The following SCRN3 variants were observed in gnomAD, a reference collection of about 807,000 sequenced individuals.
SCRN3 encodes the protein secernin-3.
Under a neutral mutation model 43.1 loss-of-function variants are expected in SCRN3, and 39 were observed. The ratio of observed to expected loss-of-function variants is 0.91; its 90% CI spans 0.70 to 1.18. The LOEUF is 1.18. Ranked by LOEUF, SCRN3 falls within the 50% of genes most tolerant of loss-of-function variation. SCRN3 has a pLI of 0.00. For synonymous variants in SCRN3, 147 were observed against 163.1 expected (o/e 0.90, Z 0.75); for missense variants, 484 against 498.0 (o/e 0.97, Z 0.27).
At chr2:174,409,277 A>G (rs1407267190) in intron 5 of SCRN3, among the ~76,000 whole-genome samples, 2 of 137,416 alleles carry the variant, frequency 1.5e-5, no homozygotes, top group African/African-American at 2.5e-5. Context: ...TGCATTCTTC[A>G]CGTAGTTCTC....
chr2:174,425,703 G>T (rs1431746426), intron 7 of SCRN3, among the ~76,000 whole-genome samples: 2 of 151,814 alleles, frequency 1.3e-5, no homozygotes, highest in South Asian at 4.1e-4. Flanking sequence ...TTCTAAAGCT[G>T]TAAGTATTTT....
chr2:174,398,559 A>G (rs552573831), intron 2 of SCRN3, 117 bp downstream of exon 2: 13 of 791,488 alleles, frequency 1.6e-5, no homozygotes, highest in Middle Eastern at 6.9e-4. Flanking sequence ...TTTACATTTG[A>G]AAAATAAATG....
chr2:174,401,805 T>C (rs1276749166), intron 4 of SCRN3, among the ~76,000 whole-genome samples: 1 of 152,230 alleles, frequency 6.6e-6, no homozygotes. Context: ...TCTTTTCATC[T>C]TGAATCTCAT....
chr2:174,404,454 A>G lies in SCRN3; in HGVS notation c.754+139A>G, dbSNP rs889682820. The G allele has an allele frequency of 1.0e-5, 6 of 586,772 alleles. No homozygotes were observed. In the African/African-American group the frequency reaches 1.2e-4, roughly 11 times the overall value. The allele number at this position is 586,772 out of a possible 1,614,324, so 36.3% of individuals were successfully genotyped here. On this transcript the variant is annotated intron_variant, in intron 5 of 7. Transcript: ENST00000272732. ...TTAAAATGAAAAATATTTATTATAA[A>G]CCTATTTTTTTTTTATTATACTTTA...
intron 6 of SCRN3, 69 bp downstream of exon 6, chr2:174,423,116 A>G (rs1319480238): frequency 8.3e-6 from 11 of 1,324,372 alleles, no homozygotes; most frequent in Non-Finnish European, 1.1e-5. Context: ...GTATGTTAAT[A>G]ATTTTGTCAG....
intron 1 of SCRN3, chr2:174,396,250 G>A: frequency 1.0e-6 from 1 of 972,004 alleles, no homozygotes; most frequent in Non-Finnish European, 1.2e-6. Context: ...GCCGAAAGAC[G>A]TTCAATAAAT....
chr2:174,397,535 C>A, intron 1 of SCRN3: 1 of 292,572 alleles, frequency 3.4e-6, no homozygotes, highest in Non-Finnish European at 5.1e-6. Flanking sequence ...TTCAAAATTT[C>A]AGTCTCATCA....
At chr2:174,426,405 A>G (rs1192665840) in intron 7 of SCRN3, among the ~76,000 whole-genome samples, 1 of 152,176 alleles carries the variant, frequency 6.6e-6, no homozygotes, top group African/African-American at 2.4e-5. Context: ...GCTGCATACA[A>G]TTTCATACTG....
intron 4 of SCRN3, among the ~76,000 whole-genome samples, chr2:174,403,839 T>C (rs1685587058): frequency 6.6e-6 from 1 of 152,130 alleles, no homozygotes; most frequent in Non-Finnish European, 1.5e-5. Flanking sequence ...GATGTTACCA[T>C]TGGGGGAAAC....
intron 4 of SCRN3, among the ~76,000 whole-genome samples, chr2:174,402,716 GGAAA>G (rs1285214049): frequency 6.6e-6 from 1 of 151,740 alleles, no homozygotes; most frequent in Non-Finnish European, 1.5e-5. Flanking sequence ...AAGGAGAAGG[GGAAA>G]GAAAGAAAAG....
intron 4 of SCRN3, among the ~76,000 whole-genome samples, chr2:174,402,521 C>T (rs1394448347): frequency 7.2e-5 from 11 of 152,204 alleles, no homozygotes; most frequent in Admixed American, 6.5e-4. Context: ...GACCTCAATT[C>T]TACAAAAAAT....
intron 5 of SCRN3, among the ~76,000 whole-genome samples, chr2:174,410,980 G>T (rs1337523866): frequency 3.3e-5 from 5 of 152,172 alleles, no homozygotes; most frequent in African/African-American, 1.2e-4. Context: ...ACATCCATGA[G>T]AATGTAGGTG....
chr2:174,420,294 T>G (rs1354799995), intron 5 of SCRN3, among the ~76,000 whole-genome samples: 5 of 152,094 alleles, frequency 3.3e-5, no homozygotes, highest in Admixed American at 3.3e-4. Context: ...TGCTACTCCT[T>G]AGGAAGAGTA....
chr2:174,404,253 C>T lies in SCRN3; in HGVS notation c.692C>T (p.Ala231Val), dbSNP rs766541034. ...FAAAYSYLDT[A>V]KMMTSSGRYC... ...GCAGCATATTCCTATCTTGACACAG[C>T]CAAGATGATGACTTCATCAGGCAGA... Residue 231 changes from alanine to valine, a missense_variant, in exon 5 of 8, where the codon GCC becomes GTC. Physicochemically the swap from Ala to Val is moderately conservative, Grantham distance 64. Transcript: ENST00000272732. The T allele has an allele frequency of 5.6e-6, 9 of 1,613,532 alleles. No homozygotes were observed. The highest frequency in any genetic ancestry group is 1.3e-5 in the African/African-American group (1 of 74,868).
chr2:174,417,504 C>A (rs1446584579), intron 5 of SCRN3, among the ~76,000 whole-genome samples: 1 of 152,128 alleles, frequency 6.6e-6, no homozygotes, highest in East Asian at 1.9e-4. Flanking sequence ...AGCGATTCTC[C>A]TGCCTCAGCC....
intron 5 of SCRN3, among the ~76,000 whole-genome samples, chr2:174,418,478 T>A (rs184809124): frequency 1.3e-3 from 199 of 152,334 alleles, no homozygotes; most frequent in Non-Finnish European, 2.2e-3. Flanking sequence ...TAAATTGCAA[T>A]GAAATTACAC....
chr2:174,421,306 A>G (rs1414325265), intron 5 of SCRN3, among the ~76,000 whole-genome samples: 1 of 152,244 alleles, frequency 6.6e-6, no homozygotes, highest in Non-Finnish European at 1.5e-5. Flanking sequence ...GGCATTCTTC[A>G]GGCAGATAGA....
At chr2:174,429,902 AACTT>A, downstream of SCRN3, among the ~76,000 whole-genome samples, 1 of 152,260 alleles carries the variant, frequency 6.6e-6, no homozygotes, top group Non-Finnish European at 1.5e-5. Flanking sequence ...TGTCTTCTTT[AACTT>A]ACTTAGTAAT....
chr2:174,427,014 G>A (rs1249957877), intron 7 of SCRN3, among the ~76,000 whole-genome samples: 1 of 151,810 alleles, frequency 6.6e-6, no homozygotes, highest in Non-Finnish European at 1.5e-5. Context: ...TGTATTTTTA[G>A]TAGAGACGGG....
Sources: gnomAD v4.1 joint callset for allele counts (sites outside exome capture counted in the v4.1 genomes callset) on GRCh38, gnomAD v4.1.1 for gene constraint, MANE v1.5 for transcripts, NCBI Gene and HGNC (gene_info 2026-07-23, HGNC 2026-07-21) for gene names.